FGD6: variants seen among roughly 807,000 people sequenced by gnomAD.
FGD6 encodes the protein FYVE, RhoGEF and PH domain-containing protein 6.
FGD6 carries 90 observed loss-of-function variants against 149.4 expected under a neutral mutation model. The observed-to-expected ratio is 0.60, with a 90% CI of 0.51 to 0.72. The LOEUF is 0.72. Ranked by LOEUF, FGD6 falls within the 30% of genes least tolerant of loss-of-function variation. FGD6 has a pLI of 0.00. For missense variants in FGD6, 1,437 were observed against 1,684.8 expected (o/e 0.85, Z 2.57); for synonymous variants, 527 against 584.0 (o/e 0.90, Z 1.41).
intron 2 of FGD6, among the ~76,000 whole-genome samples, chr12:95,179,908 A>G (rs1265275752): frequency 6.6e-6 from 1 of 152,068 alleles, no homozygotes; most frequent in East Asian, 1.9e-4. Context: ...GAGAAACCCC[A>G]TCTCTACTAA....
intron 18 of FGD6, among the ~76,000 whole-genome samples, chr12:95,088,725 CAATG>C (rs1877955931): frequency 6.6e-6 from 1 of 152,172 alleles, no homozygotes; most frequent in Non-Finnish European, 1.5e-5. Context: ...TATACACAAA[CAATG>C]AAATATTATT....
chr12:95,200,132 C>T lies in FGD6; in HGVS notation c.2441+8711G>A, dbSNP rs186673419. 2.4e-3 allele frequency among the ~76,000 whole-genome samples: 368 copies of T among 152,112 alleles called. 3 individuals carry two copies. Among genetic ancestry groups the T allele is most frequent in the Middle Eastern group, 6.8e-3 (2 of 294 alleles). ...ACTCTTTAATTTCTAATGTTTCATACGATACTAACATATGCCAAAGTATGT... is the reference window on the plus strand; with the variant it reads ...ACTCTTTAATTTCTAATGTTTCATATGATACTAACATATGCCAAAGTATGT... On this transcript the variant is annotated intron_variant, in intron 2 of 20. Coordinates refer to ENST00000343958, the MANE Select transcript of FGD6 (RefSeq NM_018351.4).
intron 14 of FGD6, chr12:95,100,579 G>T (rs750554884): frequency 1.6e-5 from 7 of 430,202 alleles, no homozygotes; most frequent in Admixed American, 5.7e-5. Flanking sequence ...CTGTTCCCAC[G>T]ACTTTCTAGG....
intron 5 of FGD6, among the ~76,000 whole-genome samples, chr12:95,147,614 T>C (rs1489798384): frequency 1.3e-5 from 2 of 152,158 alleles, no homozygotes; most frequent in Admixed American, 6.6e-5. Context: ...TTTCAAGTAA[T>C]AATTTTCAAT....
Position 95,122,605 on chromosome 12 carries a change from C to A in FGD6, c.3083-8904G>T, listed in dbSNP as rs1334927799. Among the ~76,000 whole-genome samples, 4 of 120,180 alleles carry A rather than the reference C, an allele frequency of 3.3e-5. No individual in the cohort carries two copies. In the East Asian group the frequency reaches 1.2e-3, roughly 35 times the overall value. The allele number at this position is 120,180 out of a possible 152,430, so 78.8% of individuals were successfully genotyped here. A position where few individuals can be genotyped will look rare whatever the true frequency, so the allele number is the denominator to read the frequency against. ...AGGTTGCAGTGAGCTGAGATTGCAC[C>A]ATTGCACTCTAGCCTGGGCAACAGA... is the stretch of plus-strand genomic sequence containing the variant. On this transcript the variant is annotated intron_variant, in intron 8 of 20. Coordinates refer to ENST00000343958, the MANE Select transcript of FGD6 (RefSeq NM_018351.4).
intron 5 of FGD6, among the ~76,000 whole-genome samples, chr12:95,149,506 T>C (rs986126443): frequency 1.2e-4 from 16 of 137,328 alleles, no homozygotes; most frequent in African/African-American, 4.0e-4. Context: ...TAATATATAG[T>C]ATATTATATA....
intron 5 of FGD6, among the ~76,000 whole-genome samples, chr12:95,151,598 A>T (rs1252127781): frequency 1.3e-5 from 2 of 152,206 alleles, no homozygotes. Flanking sequence ...GACCAAGTAC[A>T]GAGCACAGGT....
chr12:95,097,300 A>G (rs1014051913), intron 14 of FGD6, among the ~76,000 whole-genome samples: 1 of 152,152 alleles, frequency 6.6e-6, no homozygotes, highest in African/African-American at 2.4e-5. Context: ...AATTTGTGTC[A>G]AGTAAGTACC....
intron 2 of FGD6, among the ~76,000 whole-genome samples, chr12:95,192,255 A>C (rs533689591): frequency 6.6e-6 from 1 of 152,178 alleles, no homozygotes; most frequent in South Asian, 2.1e-4. Flanking sequence ...CAGAATGTAC[A>C]TGTATTTTTT....
intron 2 of FGD6, among the ~76,000 whole-genome samples, chr12:95,185,315 CGA>C (rs1236638095): frequency 2.0e-5 from 3 of 152,024 alleles, no homozygotes; most frequent in Non-Finnish European, 4.4e-5. Context: ...TCTTCGAAAG[CGA>C]GAGTCAGGGA....
rs1005910098 is a variant in FGD6, at chr12:95,129,501, A to G, written c.3082+5238T>C. 3.9e-5 allele frequency among the ~76,000 whole-genome samples: 6 copies of G among 152,204 alleles called. No individual in the cohort carries two copies. In the East Asian group the frequency reaches 9.6e-4, roughly 24 times the overall value. ...CTATGCCTGACACTGGGATAGGATAATAAAGATGGTCTCTACCCGGAAGAG... is the reference window on the plus strand; with the variant it reads ...CTATGCCTGACACTGGGATAGGATAGTAAAGATGGTCTCTACCCGGAAGAG... On this transcript the variant is annotated intron_variant, in intron 8 of 20. Transcript: ENST00000343958.
At chr12:95,093,548 T>C (rs912865329) in intron 15 of FGD6, among the ~76,000 whole-genome samples, 1 of 151,970 alleles carries the variant, frequency 6.6e-6, no homozygotes. Flanking sequence ...TGGTGGCGCA[T>C]GCCTGTAATC....
chr12:95,159,968 T>C (rs1230186573), intron 3 of FGD6, among the ~76,000 whole-genome samples: 2 of 150,496 alleles, frequency 1.3e-5, no homozygotes, highest in Admixed American at 6.6e-5. Flanking sequence ...CATCACAATA[T>C]TGCACTCTAG....
At chr12:95,134,706 C>G (rs748664454) in intron 8 of FGD6, 33 bp downstream of exon 8, 10 of 1,601,488 alleles carry the variant, frequency 6.2e-6, no homozygotes, top group Non-Finnish European at 8.5e-6. Context: ...GATAAACCAA[C>G]TGGGTGGTTG....
chr12:95,151,967 G>T (rs1033597903), intron 5 of FGD6, among the ~76,000 whole-genome samples: 1 of 152,124 alleles, frequency 6.6e-6, no homozygotes, highest in Non-Finnish European at 1.5e-5. Context: ...ACAAAGGAGT[G>T]CATGAGAAAA....
chr12:95,085,994 C>T, intron 18 of FGD6, 86 bp from the exon 19 acceptor site: 1 of 1,262,930 alleles, frequency 7.9e-7, no homozygotes, highest in Non-Finnish European at 1.1e-6. Flanking sequence ...GTGCTGAAAG[C>T]AATAACTGTA....
Position 95,208,875 on chromosome 12 carries a change from C to G in FGD6, c.2409G>C (p.Gln803His). Residue 803 changes from glutamine (Q) to histidine (H), a missense_variant, in exon 2 of 21, where the codon CAG becomes CAC. By Grantham distance (24) the Gln-to-His change is conservative. This residue lies in a region of FGD6 where 1,055 missense variants were observed against 1,146.0 expected (regional missense o/e 0.92). Transcript: ENST00000343958. ...GCTGATGTCTGGGTCCAAGCTGCAG[C>G]TGGCCATCTGGAGCTTCATACGGCT... The part of the protein sequence containing the change: ...VEEPYEAPDG[Q>H]LQLGPRHQHS... 1.2e-6 allele frequency: 2 copies of G among 1,613,628 alleles called. No individual in the cohort carries two copies. Among genetic ancestry groups the G allele is most frequent in the African/African-American group, 1.3e-5 (1 of 75,020 alleles).
intron 3 of FGD6, among the ~76,000 whole-genome samples, chr12:95,170,236 A>G (rs983089599): frequency 1.3e-5 from 2 of 152,172 alleles, no homozygotes; most frequent in African/African-American, 4.8e-5. Context: ...TTCCCAAAGT[A>G]CCTTCCTGGG....
intron 2 of FGD6, among the ~76,000 whole-genome samples, chr12:95,178,832 T>C (rs1182482432): frequency 6.7e-6 from 1 of 149,608 alleles, no homozygotes; most frequent in East Asian, 1.9e-4. Flanking sequence ...TACTTAAAGA[T>C]AGAAAAAATG....
Sources: gnomAD v4.1 joint callset for allele counts (sites outside exome capture counted in the v4.1 genomes callset) on GRCh38, gnomAD v4.1.1 for gene constraint, gnomAD v4.1.1 regional missense constraint, MANE v1.5 for transcripts, NCBI Gene and HGNC (gene_info 2026-07-23, HGNC 2026-07-21) for gene names.